The following TATDN1 variants were observed in gnomAD, a reference collection of about 807,000 sequenced individuals.
TATDN1 encodes deoxyribonuclease TATDN1.
In TATDN1, 40 loss-of-function variants were observed where a neutral mutation model predicts 46.4. That is an observed-to-expected ratio of 0.86 (90% confidence interval 0.67 to 1.12). TATDN1 has a LOEUF of 1.12. Ranked by LOEUF, TATDN1 falls within the 50% of genes most tolerant of loss-of-function variation. TATDN1 has a pLI of 0.00. For missense variants in TATDN1, 326 were observed against 348.4 expected, an observed-to-expected ratio of 0.94 and a Z score of 0.51; for synonymous variants, 95 against 105.6, an observed-to-expected ratio of 0.90 and a Z score of 0.62.
In TATDN1 at chr8:124,527,160, A is replaced by G. The variant is rs139812143; in HGVS notation, c.23-4158T>C. Among the ~76,000 whole-genome samples, 412 of 152,366 alleles carry G rather than the reference A, an allele frequency of 2.7e-3. 4 individuals carry two copies. Among genetic ancestry groups the G allele is most frequent in the African/African-American group, 8.9e-3 (371 of 41,582 alleles). On this transcript the variant is annotated intron_variant, in intron 1 of 11. Transcript: ENST00000276692. ...ACACTAAATGGGCTGGCTAACGTAC[A>G]TATTTAACAGGTTATAGGAGGAGCT...
intron 11 of TATDN1, chr8:124,488,905 A>C (rs1177316613): frequency 2.0e-6 from 1 of 489,478 alleles, no homozygotes; most frequent in Non-Finnish European, 3.6e-6. Context: ...ATATAACTAG[A>C]GCTAAGAACC....
At position 124,493,870 on chromosome 8, in the gene TATDN1, G is replaced by A. The variant is rs10481074; in HGVS notation, c.754C>T (p.His252Tyr). Residue 252 changes from histidine to tyrosine, a missense_variant, in exon 11 of 12, where the codon CAC becomes TAC. Transcript: ENST00000276692. ...GGTTCATTTCTGTCTTTTAAGCAGT[G>A]CCCACTTTCCCACTTCTTTTTGGTA... ...FPTKKKWESG[H>Y]CLKDRNEPCH... 5.2e-4 allele frequency: 834 copies of A among 1,611,348 alleles called. 6 individuals are homozygous for A. The African/African-American group carries it at 9.1e-3, about 18-fold the overall frequency.
At chr8:124,511,819 G>A (rs1162093909) in intron 6 of TATDN1, among the ~76,000 whole-genome samples, 1 of 152,042 alleles carries the variant, frequency 6.6e-6, no homozygotes, top group Non-Finnish European at 1.5e-5. Context: ...AGCCATGATT[G>A]TGCACATACT....
At chr8:124,490,158 G>T (rs578011286) in intron 11 of TATDN1, 4 of 152,324 alleles carry the variant, frequency 2.6e-5, no homozygotes, top group Admixed American at 1.3e-4. Context: ...AGTTTTGAAG[G>T]TCACAGCAGC....
Position 124,508,485 on chromosome 8 carries a change from C to A in TATDN1, c.505G>T (p.Val169Leu), listed in dbSNP as rs2131425787. Reference protein sequence around the residue: ...DIMKRNRDRCVGGVVHSFDGT... With the variant: ...DIMKRNRDRCLGGVVHSFDGT... ...TATTTTATACTTACCACTCCCCCTA[C>A]ACACCGATCTCTATTTCTTTTCATT... The change falls in exon 8 of 12, where the codon GTA (valine) becomes TTA (leucine). Residue 169 changes from valine (V) to leucine (L), a missense_variant. Val to Leu is a conservative substitution (Grantham distance 32, BLOSUM62 1). Coordinates refer to ENST00000276692, the MANE Select transcript of TATDN1 (RefSeq NM_032026.4). 2 of 1,613,182 alleles carry A rather than the reference C, an allele frequency of 1.2e-6. No individual in the cohort carries two copies. Among genetic ancestry groups the A allele is most frequent in the East Asian group, 4.5e-5 (2 of 44,772 alleles).
intron 1 of TATDN1, among the ~76,000 whole-genome samples, chr8:124,529,502 C>T (rs981207823): frequency 6.6e-6 from 1 of 152,070 alleles, no homozygotes; most frequent in Admixed American, 6.6e-5. Context: ...TGTAGGCTGC[C>T]GAGGCAACAG....
intron 9 of TATDN1, among the ~76,000 whole-genome samples, chr8:124,498,788 T>A (rs1019926974): frequency 1.3e-5 from 2 of 151,816 alleles, no homozygotes; most frequent in African/African-American, 4.8e-5. Context: ...GTAGCTGAGA[T>A]TACAGGCGCA....
chr8:124,522,620 T>C (rs184103451), intron 2 of TATDN1, among the ~76,000 whole-genome samples: 11 of 152,308 alleles, frequency 7.2e-5, no homozygotes, highest in Admixed American at 2.6e-4. Flanking sequence ...GGTTTCACCA[T>C]GTTGGCCAGG....
At chr8:124,502,233 C>T (rs1246153987) in intron 9 of TATDN1, among the ~76,000 whole-genome samples, 2 of 150,948 alleles carry the variant, frequency 1.3e-5, no homozygotes, top group African/African-American at 4.9e-5. Context: ...CCCAGCTACT[C>T]GGGAAGCTGA....
rs951127878 is a variant in TATDN1 at position 124,495,171 on chromosome 8, T to C, written c.664+301A>G. 69 of 364,318 alleles carry C rather than the reference T, an allele frequency of 1.9e-4. 1 individual carries two copies. Among genetic ancestry groups the C allele is most frequent in the South Asian group, 1.9e-3 (55 of 29,224 alleles). 22.6% of individuals were successfully genotyped at this position (364,318 alleles called of 1,614,324 possible). A position where few individuals can be genotyped will look rare whatever the true frequency, so the allele number is the denominator to read the frequency against. On this transcript the variant is annotated intron_variant, in intron 10 of 11. Transcript: ENST00000276692. Reference sequence around the variant, plus strand: ...CAGATTTTGAAACTTGGAAGTGTGATGTGCTTAGTCAAGACCCCTTGTTTA... The same window carrying C: ...CAGATTTTGAAACTTGGAAGTGTGACGTGCTTAGTCAAGACCCCTTGTTTA...
chr8:124,507,336 C>T (rs1238389371), intron 8 of TATDN1, among the ~76,000 whole-genome samples: 1 of 151,958 alleles, frequency 6.6e-6, no homozygotes, highest in Non-Finnish European at 1.5e-5. Context: ...GTGAATACAG[C>T]GGACAAGAAA....
At chr8:124,500,533 C>G (rs1817865539) in intron 9 of TATDN1, among the ~76,000 whole-genome samples, 1 of 151,882 alleles carries the variant, frequency 6.6e-6, no homozygotes, top group African/African-American at 2.4e-5. Flanking sequence ...ATGGTGAAAC[C>G]CCATCTCTAC....
chr8:124,509,304 T>G (rs145566967), intron 6 of TATDN1, among the ~76,000 whole-genome samples: 1 of 152,206 alleles, frequency 6.6e-6, no homozygotes, highest in Admixed American at 6.5e-5. Context: ...AGAGGTGTAG[T>G]ACTTTGTCCA....
intron 1 of TATDN1, among the ~76,000 whole-genome samples, chr8:124,538,082 C>T (rs147299850): frequency 2.2e-4 from 33 of 152,300 alleles, no homozygotes; most frequent in African/African-American, 7.5e-4. Flanking sequence ...TTAACCTAAT[C>T]CAAATGGACC....
intron 6 of TATDN1, among the ~76,000 whole-genome samples, chr8:124,510,815 C>T (rs756094260): frequency 6.6e-6 from 1 of 152,020 alleles, no homozygotes; most frequent in African/African-American, 2.4e-5. Context: ...CAGAGTGAGA[C>T]CCTGTCTCAA....
chr8:124,513,184 A>G (rs1266808245), intron 6 of TATDN1, among the ~76,000 whole-genome samples: 1 of 152,130 alleles, frequency 6.6e-6, no homozygotes, highest in African/African-American at 2.4e-5. Context: ...AAGTGCTGGA[A>G]TTATAGGCAT....
At chr8:124,492,831 A>T (rs536625750) in intron 11 of TATDN1, among the ~76,000 whole-genome samples, 47 of 150,776 alleles carry the variant, frequency 3.1e-4, no homozygotes, top group Non-Finnish European at 4.3e-4. Context: ...TTTATTTTTT[A>T]AAATTTTCTT....
intron 9 of TATDN1, among the ~76,000 whole-genome samples, chr8:124,501,154 G>C (rs1273008839): frequency 1.3e-5 from 2 of 152,336 alleles, no homozygotes; most frequent in East Asian, 3.9e-4. Flanking sequence ...CCTGAGCATG[G>C]AGACTGGGGC....
chr8:124,500,665 GA>G lies in TATDN1; in HGVS notation c.593+3605del, dbSNP rs370121222. On this transcript the variant is annotated intron_variant, in intron 9 of 11. Transcript: ENST00000276692. ...AGTAAGTCGTCCAGCCTGAGAGGCA[GA>G]GTGAGACCCTGTCTCAAAAAAAAAA... 1.5e-4 allele frequency among the ~76,000 whole-genome samples: 22 copies of G among 150,138 alleles called. No homozygotes were observed. The East Asian group carries it at 2.4e-3, about 16-fold the overall frequency.
Sources: gnomAD v4.1 joint callset for allele counts (sites outside exome capture counted in the v4.1 genomes callset) on GRCh38, gnomAD v4.1.1 for gene constraint, MANE v1.5 for transcripts, NCBI Gene and HGNC (gene_info 2026-07-23, HGNC 2026-07-21) for gene names.